ARMC9: variants seen among roughly 807,000 people sequenced by gnomAD.
The protein encoded by ARMC9 is armadillo repeat containing 9.
A neutral mutation model predicts 107.0 loss-of-function variants in ARMC9; 94 were observed. That is an observed-to-expected ratio of 0.88 (90% CI 0.74 to 1.04). The LOEUF (loss-of-function observed/expected upper bound fraction) is 1.04. ARMC9 is among the 50% of genes least tolerant of loss of function. The pLI is 0.00. For synonymous variants in ARMC9, 380 were observed against 396.9 expected (o/e 0.96, Z 0.51); for missense variants, 942 against 1,030.1 (o/e 0.91, Z 1.17).
rs1445045272 is a variant in ARMC9, at chr2:231,208,150, A to G, written c.75A>G (p.Glu25=). Residue 25 remains glutamate, a synonymous_variant, in exon 3 of 25, where the codon GAA becomes GAG. Transcript: ENST00000611582. ...VKEYLDFAEF[E]DTLKTFSKEC... Reference sequence around the variant, plus strand: ...AGTATTTAGATTTTGCTGAATTTGAAGACACCTTGAAAACATTTTCAAAAG... The same window carrying G: ...AGTATTTAGATTTTGCTGAATTTGAGGACACCTTGAAAACATTTTCAAAAG... 1.9e-6 allele frequency: 3 copies of G among 1,546,778 alleles called. No individual in the cohort carries two copies. The African/African-American group carries it at 4.1e-5, about 21-fold the overall frequency.
chr2:231,371,225 G>A (rs2046008141), intron 24 of ARMC9, among the ~76,000 whole-genome samples: 1 of 152,252 alleles, frequency 6.6e-6, no homozygotes, highest in Non-Finnish European at 1.5e-5. Flanking sequence ...GCATAGCGTG[G>A]CCACGGTGTG....
Position 231,285,174 on chromosome 2 carries a change from G to A in ARMC9, c.1626+3041G>A, listed in dbSNP as rs1245041335. Reference sequence around the variant, plus strand: ...GATCATGCCATTGCACTCCAGCCTGGGTAACAGAGCAAGACTCTGTCTCAA... The same window carrying A: ...GATCATGCCATTGCACTCCAGCCTGAGTAACAGAGCAAGACTCTGTCTCAA... On this transcript the variant is annotated intron_variant, in intron 17 of 24. Transcript: ENST00000611582. 2.0e-5 allele frequency among the ~76,000 whole-genome samples: 3 copies of A among 151,612 alleles called. No homozygotes were observed. The East Asian group carries it at 5.8e-4, about 30-fold the overall frequency.
intron 8 of ARMC9, among the ~76,000 whole-genome samples, chr2:231,237,294 T>C (rs756220688): frequency 8.5e-5 from 13 of 152,212 alleles, no homozygotes; most frequent in Non-Finnish European, 1.6e-4. Flanking sequence ...TTTCGATATA[T>C]CTTGGAGATC....
At chr2:231,369,437 C>T (rs184412625) in intron 23 of ARMC9, among the ~76,000 whole-genome samples, 81 of 151,978 alleles carry the variant, frequency 5.3e-4, no homozygotes, top group Admixed American at 1.6e-3. Context: ...GGACTACAGG[C>T]ATCTGCCACC....
At position 231,374,619 on chromosome 2, in the gene ARMC9, AAAGGT is replaced by A. The variant is rs1425449082; in HGVS notation, c.*3087_*3091del. ...TCATGAAAAAAAAAGAAAAGAAAGA[AAAGGT>A]AAAGAAAAGAAATCCATGATAAAAT... is the stretch of plus-strand genomic sequence containing the variant. On this transcript the variant is annotated 3_prime_UTR_variant, in exon 25 of 25. Coordinates refer to ENST00000611582, the MANE Select transcript of ARMC9 (RefSeq NM_001352754.2). 1.3e-5 allele frequency: 2 copies of A among 152,030 alleles called. No homozygotes were observed. The highest frequency in any genetic ancestry group is 3.9e-4 in the East Asian group (2 of 5,192). The allele number at this position is 152,030 out of a possible 1,614,324, so 9.4% of individuals were successfully genotyped here.
intron 19 of ARMC9, among the ~76,000 whole-genome samples, chr2:231,318,676 A>C (rs1292573390): frequency 3.3e-5 from 5 of 152,032 alleles, no homozygotes; most frequent in Admixed American, 1.3e-4. Flanking sequence ...GCACTTCCCC[A>C]CTGAGCAAGT....
intron 9 of ARMC9, among the ~76,000 whole-genome samples, chr2:231,251,208 C>G (rs2037266717): frequency 6.6e-6 from 1 of 151,942 alleles, no homozygotes; most frequent in African/African-American, 2.4e-5. Context: ...GCTCTGTCAC[C>G]CAGGCTGGAG....
At chr2:231,214,708 C>T (rs2033296294) in intron 3 of ARMC9, 123 bp from the exon 4 acceptor site, 1 of 1,041,792 alleles carries the variant, frequency 9.6e-7, no homozygotes, top group Non-Finnish European at 1.4e-6. Flanking sequence ...TGTGGGATCT[C>T]TATTTTTCTA....
At chr2:231,305,881 G>T (rs566613801) in intron 19 of ARMC9, among the ~76,000 whole-genome samples, 1 of 152,002 alleles carries the variant, frequency 6.6e-6, no homozygotes, top group Non-Finnish European at 1.5e-5. Context: ...AACTCATCAC[G>T]ATTTAAATAA....
chr2:231,278,168 C>A (rs910672029), intron 15 of ARMC9, among the ~76,000 whole-genome samples: 1 of 152,076 alleles, frequency 6.6e-6, no homozygotes, highest in African/African-American at 2.4e-5. Context: ...TTTTGCATCA[C>A]CTTTTGAGGT....
intron 18 of ARMC9, chr2:231,295,150 C>T (rs2041270371): frequency 1.3e-5 from 2 of 152,256 alleles, no homozygotes; most frequent in Admixed American, 6.5e-5. Context: ...CATTTGACTT[C>T]CTTTCTTCTT....
chr2:231,289,825 T>C (rs1469638155), intron 17 of ARMC9, among the ~76,000 whole-genome samples: 2 of 152,176 alleles, frequency 1.3e-5, no homozygotes, highest in Non-Finnish European at 2.9e-5. Context: ...AGTGTTACTG[T>C]TCCCTAAGGT....
intron 9 of ARMC9, among the ~76,000 whole-genome samples, chr2:231,251,940 T>G (rs1349561797): frequency 6.6e-6 from 1 of 152,190 alleles, no homozygotes; most frequent in Admixed American, 6.5e-5. Context: ...CTGGCTGGCC[T>G]TCTCTCATTG....
At chr2:231,296,166 CCATTATT>C (rs1230803693) in intron 18 of ARMC9, 25 bp from the exon 19 acceptor site, 1 of 1,556,176 alleles carries the variant, frequency 6.4e-7, no homozygotes, top group Non-Finnish European at 8.8e-7. Flanking sequence ...CACTGTTTAT[CCATTATT>C]CATTGATTCT....
chr2:231,198,851 A>G (rs1238069070), intron 1 of ARMC9, 153 bp downstream of exon 1: 2 of 152,500 alleles, frequency 1.3e-5, no homozygotes, highest in East Asian at 1.9e-4. Context: ...GGATGCTACC[A>G]CTTCTCGCCT....
intron 19 of ARMC9, 104 bp downstream of exon 19, chr2:231,296,357 T>C: frequency 9.8e-7 from 1 of 1,020,642 alleles, no homozygotes; most frequent in Non-Finnish European, 1.5e-6. Context: ...TCATTCCTGC[T>C]ACACTATTTC....
At chr2:231,306,181 T>A (rs928887355) in intron 19 of ARMC9, among the ~76,000 whole-genome samples, 4 of 152,202 alleles carry the variant, frequency 2.6e-5, no homozygotes, top group African/African-American at 9.7e-5. Context: ...CAGAGAACTT[T>A]CCCTCCCTTA....
chr2:231,252,803 A>ATT (rs34618597), intron 9 of ARMC9, among the ~76,000 whole-genome samples: 23 of 134,200 alleles, frequency 1.7e-4, no homozygotes, highest in East Asian at 2.2e-4. Context: ...CAACCCCCTA[A>ATT]TTTTTTTTTT....
chr2:231,241,112 C>T (rs1036663393), intron 9 of ARMC9, among the ~76,000 whole-genome samples: 3 of 150,656 alleles, frequency 2.0e-5, no homozygotes, highest in Non-Finnish European at 4.4e-5. Flanking sequence ...GCAGGAGAAT[C>T]GCTTGAACCC....
Sources: gnomAD v4.1 joint callset for allele counts (sites outside exome capture counted in the v4.1 genomes callset) on GRCh38, gnomAD v4.1.1 for gene constraint, MANE v1.5 for transcripts, NCBI Gene and HGNC (gene_info 2026-07-23, HGNC 2026-07-21) for gene names.